B3GALT1: variants seen among roughly 807,000 people sequenced by gnomAD.
B3GALT1 encodes the protein UDP-Gal:betaGlcNAc beta 1,3-galactosyltransferase, polypeptide 1.
Under a neutral mutation model 23.2 loss-of-function variants are expected in B3GALT1, and 10 were observed. The observed-to-expected ratio is 0.43, with a 90% CI of 0.27 to 0.73. B3GALT1 has a LOEUF of 0.73. Ranked by LOEUF, B3GALT1 falls within the 30% of genes least tolerant of loss-of-function variation. The pLI, the probability that B3GALT1 is intolerant of heterozygous loss-of-function variation, is 0.21. For synonymous variants in B3GALT1, 156 were observed against 141.5 expected (o/e 1.10, Z -0.73); for missense variants, 299 against 405.4 (o/e 0.74, Z 2.25).
Position 167,349,796 on chromosome 2 carries a change from C to T in B3GALT1, c.-511+56462C>T, listed in dbSNP as rs142906513. Among the ~76,000 whole-genome samples the T allele has an allele frequency of 3.7e-3, 557 of 152,108 alleles. 2 individuals carry two copies. Among genetic ancestry groups the T allele is most frequent in the Middle Eastern group, 0.014 (4 of 294 alleles). ...CTTGGAATGTATGCCCCACAAATAA[C>T]GGGGGGATTGCTGCACTTAGTATTC... On this transcript the variant is annotated intron_variant, in intron 1 of 4. Transcript: ENST00000392690.
intron 1 of B3GALT1, among the ~76,000 whole-genome samples, chr2:167,400,703 C>T (rs1477327126): frequency 1.3e-5 from 2 of 152,056 alleles, no homozygotes; most frequent in African/African-American, 2.4e-5. Flanking sequence ...GCCAATTCAG[C>T]GGGATTTGGA....
chr2:167,469,493 T>C (rs1559106944), intron 1 of B3GALT1, among the ~76,000 whole-genome samples: 1 of 152,208 alleles, frequency 6.6e-6, no homozygotes. Flanking sequence ...TATTCACTTA[T>C]ATTGTCTGTC....
intron 4 of B3GALT1, among the ~76,000 whole-genome samples, chr2:167,863,986 A>ATGTATG (rs1486294444): frequency 7.6e-6 from 1 of 132,078 alleles, no homozygotes; most frequent in Non-Finnish European, 1.6e-5. Flanking sequence ...GCATGCATGT[A>ATGTATG]TGTATGTGTG....
intron 2 of B3GALT1, among the ~76,000 whole-genome samples, chr2:167,552,177 G>C (rs745862409): frequency 5.9e-5 from 9 of 152,144 alleles, no homozygotes; most frequent in Non-Finnish European, 1.3e-4. Context: ...GACCTTGAGA[G>C]TCTTCACATC....
At position 167,303,646 on chromosome 2, in the gene B3GALT1, C is replaced by T. The variant is rs887761061; in HGVS notation, c.-511+10312C>T. ...TCCTGCTCTTGGAAACACACACATA[C>T]ACACACACACACACACACACACACA... On this transcript the variant is annotated intron_variant, in intron 1 of 4. Transcript: ENST00000392690. Among the ~76,000 whole-genome samples, 9 of 6,534 alleles carry T rather than the reference C, an allele frequency of 1.4e-3. No homozygotes were observed. In the Admixed American group the frequency reaches 0.018, roughly 13 times the overall value. The allele number at this position is 6,534 out of a possible 152,430, so 4.3% of individuals were successfully genotyped here.
chr2:167,465,502 A>G (rs1699330868), intron 1 of B3GALT1, among the ~76,000 whole-genome samples: 2 of 152,270 alleles, frequency 1.3e-5, no homozygotes, highest in African/African-American at 4.8e-5. Context: ...TGCTGTGTCC[A>G]CACATGGCAG....
intron 3 of B3GALT1, among the ~76,000 whole-genome samples, chr2:167,689,782 C>T (rs1686680966): frequency 6.6e-6 from 1 of 152,040 alleles, no homozygotes; most frequent in South Asian, 2.1e-4. Context: ...TGGTCTATTT[C>T]TGGATATATT....
chr2:167,539,633 T>C (rs7581400), intron 2 of B3GALT1, among the ~76,000 whole-genome samples: 8,923 of 152,190 alleles, frequency 0.059, 324 homozygotes, highest in African/African-American at 0.1. Flanking sequence ...AATTGAATTA[T>C]AGTAAAATCA....
chr2:167,733,317 G>T (rs1018530139), intron 3 of B3GALT1, among the ~76,000 whole-genome samples: 2 of 152,096 alleles, frequency 1.3e-5, no homozygotes, highest in Non-Finnish European at 2.9e-5. Flanking sequence ...AATCAAGCTT[G>T]TCCAACCCAT....
intron 2 of B3GALT1, among the ~76,000 whole-genome samples, chr2:167,514,120 G>T (rs1558888665): frequency 6.6e-6 from 1 of 152,084 alleles, no homozygotes; most frequent in Non-Finnish European, 1.5e-5. Context: ...TATTAGCTAG[G>T]ATGGTCTCGA....
chr2:167,617,035 T>G (rs941850248), intron 2 of B3GALT1, among the ~76,000 whole-genome samples: 1 of 152,092 alleles, frequency 6.6e-6, no homozygotes, highest in African/African-American at 2.4e-5. Flanking sequence ...TCAAGTAACT[T>G]GACTTTTGGA....
At chr2:167,567,199 G>C (rs185964810) in intron 2 of B3GALT1, among the ~76,000 whole-genome samples, 17 of 152,220 alleles carry the variant, frequency 1.1e-4, no homozygotes, top group Admixed American at 1.0e-3. Flanking sequence ...TTAGAACAGT[G>C]ACTGGTGATT....
intron 1 of B3GALT1, among the ~76,000 whole-genome samples, chr2:167,401,530 A>G (rs1698189186): frequency 6.6e-6 from 1 of 152,026 alleles, no homozygotes; most frequent in African/African-American, 2.4e-5. Flanking sequence ...CTCTTTCCCT[A>G]GCAGGCTGCC....
At chr2:167,376,714 A>T (rs1365851857) in intron 1 of B3GALT1, among the ~76,000 whole-genome samples, 2 of 151,816 alleles carry the variant, frequency 1.3e-5, no homozygotes, top group Non-Finnish European at 2.9e-5. Context: ...GATTGTGCCT[A>T]TTTGGATCTT....
At chr2:167,300,333 A>C (rs12104989) in intron 1 of B3GALT1, among the ~76,000 whole-genome samples, 5,635 of 152,328 alleles carry the variant, frequency 0.037, 289 homozygotes, top group African/African-American at 0.12. Flanking sequence ...GGACATTTTT[A>C]ATAAATGTAA....
At chr2:167,339,353 A>G (rs1339626446) in intron 1 of B3GALT1, among the ~76,000 whole-genome samples, 1 of 152,028 alleles carries the variant, frequency 6.6e-6, no homozygotes, top group Non-Finnish European at 1.5e-5. Flanking sequence ...TAATACAACA[A>G]GAGCAAATAG....
At chr2:167,602,095 T>C (rs1264066723) in intron 2 of B3GALT1, among the ~76,000 whole-genome samples, 6 of 152,192 alleles carry the variant, frequency 3.9e-5, no homozygotes, top group African/African-American at 1.4e-4. Flanking sequence ...TTTTAAAACA[T>C]TGATATAGAG....
intron 2 of B3GALT1, among the ~76,000 whole-genome samples, chr2:167,627,520 G>T (rs1234353631): frequency 6.6e-6 from 1 of 151,566 alleles, no homozygotes; most frequent in African/African-American, 2.4e-5. Context: ...CCTTTTTATT[G>T]CTAGTAGTAT....
chr2:167,654,828 A>G (rs1685930465), intron 3 of B3GALT1, among the ~76,000 whole-genome samples: 1 of 149,910 alleles, frequency 6.7e-6, no homozygotes, highest in African/African-American at 2.5e-5. Context: ...ACTTAACTTT[A>G]GACTCTAATT....
Sources: allele counts gnomAD v4.1 joint callset (sites outside exome capture counted in the v4.1 genomes callset), GRCh38; gene constraint gnomAD v4.1.1; transcripts MANE v1.5; gene names NCBI Gene and HGNC (gene_info 2026-07-23, HGNC 2026-07-21).